DGKB: variants seen among roughly 807,000 people sequenced by gnomAD.
The protein encoded by DGKB is diacylglycerol kinase beta.
DGKB carries 67 observed loss-of-function variants against 114.3 expected under a neutral mutation model. That is an observed-to-expected ratio of 0.59 (90% CI 0.48 to 0.72). The LOEUF is 0.72. Ranked by LOEUF, DGKB falls within the 30% of genes least tolerant of loss-of-function variation. DGKB has a pLI of 0.00. For missense variants in DGKB, 907 were observed against 975.2 expected (o/e 0.93, Z 0.93); for synonymous variants, 398 against 323.1 (o/e 1.23, Z -2.49).
At chr7:14,853,090 G>C (rs1363458524) in intron 1 of DGKB, among the ~76,000 whole-genome samples, 7 of 152,068 alleles carry the variant, frequency 4.6e-5, no homozygotes, top group Admixed American at 4.6e-4. Flanking sequence ...CTACTCTAAT[G>C]CTGTTATTCA....
At chr7:14,901,822 A>C (rs1366045414) in intron 1 of DGKB, among the ~76,000 whole-genome samples, 1 of 152,132 alleles carries the variant, frequency 6.6e-6, no homozygotes, top group African/African-American at 2.4e-5. Flanking sequence ...GGTTATCTGC[A>C]ATTTGAGCAA....
chr7:14,542,751 T>G (rs1430920593), intron 20 of DGKB, among the ~76,000 whole-genome samples: 1 of 152,240 alleles, frequency 6.6e-6, no homozygotes, highest in African/African-American at 2.4e-5. Context: ...ATGTGTCTCC[T>G]GTCCCGGCAG....
chr7:14,912,787 G>T (rs1446938679), intron 1 of DGKB, among the ~76,000 whole-genome samples: 2 of 152,038 alleles, frequency 1.3e-5, no homozygotes, highest in African/African-American at 4.8e-5. Context: ...CTCTTGTAGG[G>T]TGCAGAGTTT....
intron 20 of DGKB, among the ~76,000 whole-genome samples, chr7:14,556,928 T>A (rs1313126158): frequency 6.6e-6 from 1 of 152,200 alleles, no homozygotes; most frequent in Non-Finnish European, 1.5e-5. Flanking sequence ...TAAGAGTAAA[T>A]GGAATTGCCA....
At chr7:14,773,816 T>G (rs1261729088) in intron 2 of DGKB, among the ~76,000 whole-genome samples, 1 of 152,160 alleles carries the variant, frequency 6.6e-6, no homozygotes, top group Non-Finnish European at 1.5e-5. Flanking sequence ...GCCTACATTT[T>G]GTGGGAAATT....
intron 25 of DGKB, among the ~76,000 whole-genome samples, chr7:14,159,958 C>G (rs970535085): frequency 2.0e-5 from 3 of 152,112 alleles, no homozygotes; most frequent in Non-Finnish European, 2.9e-5. Context: ...CACGCAGGAG[C>G]CACTGTGCCT....
chr7:14,325,962 T>G (rs1160219656), intron 23 of DGKB, among the ~76,000 whole-genome samples: 1 of 152,158 alleles, frequency 6.6e-6, no homozygotes, highest in African/African-American at 2.4e-5. Flanking sequence ...TTAAAATGTA[T>G]TGAGCTGTAA....
intron 12 of DGKB, among the ~76,000 whole-genome samples, chr7:14,680,965 A>T (rs998564397): frequency 6.6e-6 from 1 of 152,044 alleles, no homozygotes; most frequent in African/African-American, 2.4e-5. Context: ...GGAGATACAA[A>T]GAAGAAATTA....
intron 23 of DGKB, among the ~76,000 whole-genome samples, chr7:14,261,397 T>C (rs1391578080): frequency 2.6e-5 from 4 of 152,162 alleles, no homozygotes; most frequent in African/African-American, 9.6e-5. Context: ...AGTGTTGGCA[T>C]AGATCATTCC....
chr7:14,524,233 A>T (rs529463209), intron 20 of DGKB, among the ~76,000 whole-genome samples: 22 of 152,282 alleles, frequency 1.4e-4, no homozygotes, highest in African/African-American at 5.1e-4. Flanking sequence ...TTGAAAAAAA[A>T]ATCTACTGCT....
At chr7:14,974,428 A>G (rs1024622662) in intron 1 of DGKB, among the ~76,000 whole-genome samples, 24 of 152,118 alleles carry the variant, frequency 1.6e-4, no homozygotes, top group African/African-American at 5.8e-4. Flanking sequence ...TTAAAAGCTG[A>G]AAATTAAAAA....
Position 14,147,293 on chromosome 7 carries a change from T to C in DGKB, c.*1838A>G, listed in dbSNP as rs1342676280. 6.6e-6 allele frequency: 1 copy of C among 152,180 alleles called. No individual in the cohort carries two copies. Among genetic ancestry groups the C allele is most frequent in the Non-Finnish European group, 1.5e-5 (1 of 67,998 alleles). 9.4% of individuals were successfully genotyped at this position (152,180 alleles called of 1,614,324 possible). On this transcript the variant is annotated 3_prime_UTR_variant, in exon 26 of 26. Coordinates refer to ENST00000402815, the MANE Select transcript of DGKB (RefSeq NM_001350709.2). ...TTTGCAATTGTAATCATAATTTTCC[T>C]GGGAATGCTAAATTATGTCTTAATT...
chr7:14,536,461 A>G (rs1792515185), intron 20 of DGKB, among the ~76,000 whole-genome samples: 1 of 152,198 alleles, frequency 6.6e-6, no homozygotes, highest in Non-Finnish European at 1.5e-5. Context: ...ACAATTTTGT[A>G]CCATGACCAA....
chr7:14,570,433 C>T (rs1011377079), intron 20 of DGKB, among the ~76,000 whole-genome samples: 4 of 151,964 alleles, frequency 2.6e-5, no homozygotes, highest in African/African-American at 9.7e-5. Context: ...GGGGTGCTGA[C>T]CACTCTTGCA....
chr7:14,369,987 T>G (rs1054652291), intron 21 of DGKB, among the ~76,000 whole-genome samples: 2 of 152,222 alleles, frequency 1.3e-5, no homozygotes, highest in Non-Finnish European at 2.9e-5. Flanking sequence ...TCTGTTGCCA[T>G]TGCTTTTGGT....
At chr7:14,703,911 T>C (rs771765910) in intron 6 of DGKB, among the ~76,000 whole-genome samples, 2 of 152,190 alleles carry the variant, frequency 1.3e-5, no homozygotes. Context: ...GTTTTAAAAA[T>C]GAACTTACTA....
intron 21 of DGKB, among the ~76,000 whole-genome samples, chr7:14,373,471 T>A (rs1423896621): frequency 6.6e-6 from 1 of 152,162 alleles, no homozygotes; most frequent in Non-Finnish European, 1.5e-5. Context: ...ATTTATTCCG[T>A]ACAGTGAGTT....
chr7:14,642,020 A>G (rs1182976929), intron 13 of DGKB, among the ~76,000 whole-genome samples: 6 of 152,070 alleles, frequency 3.9e-5, no homozygotes, highest in Admixed American at 1.3e-4. Flanking sequence ...TGTTTTGCTT[A>G]GGGATAGCAT....
intron 1 of DGKB, among the ~76,000 whole-genome samples, chr7:14,935,566 G>T (rs1172642292): frequency 1.3e-5 from 2 of 152,064 alleles, no homozygotes; most frequent in Admixed American, 6.6e-5. Flanking sequence ...AGAAAATGAG[G>T]AAACGAGTGA....
Sources: gnomAD v4.1 joint callset for allele counts (sites outside exome capture counted in the v4.1 genomes callset) on GRCh38, gnomAD v4.1.1 for gene constraint, MANE v1.5 for transcripts, NCBI Gene and HGNC (gene_info 2026-07-23, HGNC 2026-07-21) for gene names.